The following IRAG1 variants were observed in gnomAD, a reference collection of about 807,000 sequenced individuals.
IRAG1 encodes the protein IP3R-associated cGMP kinase substrate.
A neutral mutation model predicts 106.2 loss-of-function variants in IRAG1; 62 were observed. The observed-to-expected ratio is 0.58, with a 90% CI of 0.48 to 0.72. The LOEUF is 0.72. IRAG1 is among the 30% of genes least tolerant of loss of function. IRAG1 has a pLI of 0.00. For missense variants in IRAG1, 1,064 were observed against 1,140.7 expected, an observed-to-expected ratio of 0.93 and a Z score of 0.97; for synonymous variants, 462 against 443.9, an observed-to-expected ratio of 1.04 and a Z score of -0.51.
At chr11:10,606,869 T>C in intron 11 of IRAG1, 97 bp from the exon 12 acceptor site, 1 of 1,160,130 alleles carries the variant, frequency 8.6e-7, no homozygotes, top group Non-Finnish European at 1.2e-6. Flanking sequence ...TTTCCAGGGG[T>C]GGAGTAAGCT....
chr11:10,678,774 T>A (rs1296324154), intron 1 of IRAG1, among the ~76,000 whole-genome samples: 2 of 152,246 alleles, frequency 1.3e-5, no homozygotes, highest in African/African-American at 4.8e-5. Context: ...ACCTCATTTG[T>A]AATCGAAGCT....
intron 2 of IRAG1, among the ~76,000 whole-genome samples, chr11:10,641,321 A>G (rs1857491495): frequency 6.6e-6 from 1 of 152,208 alleles, no homozygotes; most frequent in African/African-American, 2.4e-5. Flanking sequence ...TTGGTTTTGA[A>G]AAGATGGTTG....
chr11:10,665,351 T>C lies in IRAG1; in HGVS notation c.68-13169A>G, dbSNP rs560934572. On this transcript the variant is annotated intron_variant, in intron 1 of 20. Coordinates refer to ENST00000423302, the MANE Select transcript of IRAG1 (RefSeq NM_130385.4). The surrounding 1 kb of genome is among the most constrained non-coding windows in gnomAD (Gnocchi z 4.2). The stretch of plus-strand genomic sequence containing the variant: ...TTCTCCCACCTCTCCAGGATGCCTG[T>C]CCCCACTTCTTTTTACTAATACACA... 3.2e-4 allele frequency among the ~76,000 whole-genome samples: 49 copies of C among 152,270 alleles called. No individual in the cohort carries two copies. Among genetic ancestry groups the C allele is most frequent in the Non-Finnish European group, 5.3e-4 (36 of 68,012 alleles).
intron 12 of IRAG1, among the ~76,000 whole-genome samples, chr11:10,604,848 C>T (rs539446206): frequency 1.3e-5 from 2 of 152,350 alleles, no homozygotes; most frequent in African/African-American, 4.8e-5. Flanking sequence ...CATCCTGTAT[C>T]TGGGTTTAGA....
At chr11:10,671,783 T>A (rs1320325710) in intron 1 of IRAG1, among the ~76,000 whole-genome samples, 2 of 152,010 alleles carry the variant, frequency 1.3e-5, no homozygotes, top group Non-Finnish European at 2.9e-5. Context: ...AAAATAAATG[T>A]AAAACTTTTA....
In IRAG1 at chr11:10,594,352, T is replaced by C. The variant is rs151016271; in HGVS notation, c.2018-157A>G. On this transcript the variant is annotated intron_variant, in intron 15 of 20. Coordinates refer to ENST00000423302, the MANE Select transcript of IRAG1 (RefSeq NM_130385.4). ...TGGGGACACTGAGTTTGGCACTTCA[T>C]CCTTTGAGATGGGGCTGCAGAGTGG... The C allele has an allele frequency of 1.5e-5, 9 of 618,140 alleles. No homozygotes were observed. The African/African-American group carries it at 1.7e-4, about 11-fold the overall frequency. The allele number at this position is 618,140 out of a possible 1,614,324, so 38.3% of individuals were successfully genotyped here. A position where few individuals can be genotyped will look rare whatever the true frequency, so the allele number is the denominator to read the frequency against.
At chr11:10,692,194 T>C (rs11042924) in intron 1 of IRAG1, among the ~76,000 whole-genome samples, 33,302 of 113,748 alleles carry the variant, frequency 0.29, 4,967 homozygotes, top group East Asian at 0.78. Context: ...CAAATATGCA[T>C]GCACACACAC....
chr11:10,639,928 A>G (rs1241112239), intron 2 of IRAG1, among the ~76,000 whole-genome samples: 2 of 152,140 alleles, frequency 1.3e-5, no homozygotes, highest in Non-Finnish European at 2.9e-5. Flanking sequence ...ATTCTGTCCA[A>G]TCATCCGGCA....
At position 10,573,248 on chromosome 11, in the gene IRAG1, T is replaced by G. The variant is rs1010924237; in HGVS notation, c.*3084A>C. 6.6e-6 allele frequency: 1 copy of G among 152,230 alleles called. No individual in the cohort carries two copies. Among genetic ancestry groups the G allele is most frequent in the East Asian group, 1.9e-4 (1 of 5,204 alleles). The allele number at this position is 152,230 out of a possible 1,614,324, so 9.4% of individuals were successfully genotyped here. The stretch of plus-strand genomic sequence containing the variant: ...TCCATTTACTCTGTCAGGCTGTATA[T>G]GGGGAGCAACACATATGGCTTTGTG... On this transcript the variant is annotated 3_prime_UTR_variant, in exon 21 of 21. Transcript: ENST00000423302.
chr11:10,603,287 A>C, intron 13 of IRAG1, 36 bp from the exon 14 acceptor site: 1 of 1,608,970 alleles, frequency 6.2e-7, no homozygotes, highest in South Asian at 1.1e-5. Flanking sequence ...GGGGTCCTCA[A>C]ATAATGTTAT....
chr11:10,675,087 A>C lies in IRAG1; in HGVS notation c.67+18449T>G, dbSNP rs557961389. On this transcript the variant is annotated intron_variant, in intron 1 of 20. Coordinates refer to ENST00000423302, the MANE Select transcript of IRAG1 (RefSeq NM_130385.4). ...CAGGCTGCACCAGTGCTGGGCTGGG[A>C]AACAGCCCCTGGGCTCCCTGAAGAT... Among the ~76,000 whole-genome samples the C allele has an allele frequency of 3.3e-5, 5 of 152,336 alleles. No individual in the cohort carries two copies. The East Asian group carries it at 7.7e-4, about 24-fold the overall frequency.
chr11:10,684,274 G>C (rs1249011367), intron 1 of IRAG1, among the ~76,000 whole-genome samples: 2 of 152,152 alleles, frequency 1.3e-5, no homozygotes, highest in African/African-American at 4.8e-5. Context: ...ATACTATGCA[G>C]CCTTAAAAAA....
chr11:10,640,851 T>C (rs577014418), intron 2 of IRAG1, among the ~76,000 whole-genome samples: 3 of 152,342 alleles, frequency 2.0e-5, no homozygotes, highest in South Asian at 4.1e-4. Flanking sequence ...GCAAGTTACC[T>C]TGCCTCTCTG....
Position 10,693,637 on chromosome 11 carries a change from G to C in IRAG1, c.-35C>G, listed in dbSNP as rs760617409. On this transcript the variant is annotated 5_prime_UTR_variant, in exon 1 of 21. Coordinates refer to ENST00000423302, the MANE Select transcript of IRAG1 (RefSeq NM_130385.4). ...ATGTTACATCTGGCTCCGGAGCTCA[G>C]AGCCGAGAAGCCTCTGGCTGCAGAA... The C allele has an allele frequency of 1.3e-4, 197 of 1,533,682 alleles. No homozygotes were observed. Among genetic ancestry groups the C allele is most frequent in the Non-Finnish European group, 1.6e-4 (188 of 1,146,592 alleles).
chr11:10,596,401 T>TTTGTAA (rs1190396455), intron 15 of IRAG1, among the ~76,000 whole-genome samples: 6 of 152,260 alleles, frequency 3.9e-5, no homozygotes, highest in Non-Finnish European at 7.3e-5. Flanking sequence ...AGAATTGTCA[T>TTTGTAA]TCCTTTGTAA....
chr11:10,627,806 C>A, intron 7 of IRAG1, 46 bp from the exon 8 acceptor site: 1 of 1,612,426 alleles, frequency 6.2e-7, no homozygotes, highest in Non-Finnish European at 8.5e-7. Flanking sequence ...GGGAAGAGAC[C>A]GTGTTTCCTC....
At chr11:10,649,631 G>C (rs116571106) in intron 2 of IRAG1, among the ~76,000 whole-genome samples, 3 of 152,094 alleles carry the variant, frequency 2.0e-5, no homozygotes, top group Non-Finnish European at 4.4e-5. Context: ...CTCGGCTCCC[G>C]GCTCCCCTGA....
At chr11:10,599,317 G>C (rs1028263620) in intron 15 of IRAG1, among the ~76,000 whole-genome samples, 3 of 152,206 alleles carry the variant, frequency 2.0e-5, no homozygotes, top group Non-Finnish European at 2.9e-5. Context: ...AATGTCTGTA[G>C]AATGAACGAA....
intron 15 of IRAG1, among the ~76,000 whole-genome samples, chr11:10,596,329 A>G (rs916666565): frequency 6.6e-6 from 1 of 152,218 alleles, no homozygotes; most frequent in Non-Finnish European, 1.5e-5. Context: ...CTAGATTGAC[A>G]GTTATTTTCT....
Sources: gnomAD v4.1 joint callset for allele counts (sites outside exome capture counted in the v4.1 genomes callset) on GRCh38, gnomAD v4.1.1 for gene constraint, Gnocchi (gnomAD v3.1) non-coding constraint, MANE v1.5 for transcripts, NCBI Gene and HGNC (gene_info 2026-07-23, HGNC 2026-07-21) for gene names.